The following ROBO2 variants were observed in gnomAD, a reference collection of about 807,000 sequenced individuals.
ROBO2 encodes roundabout homolog 2.
Under a neutral mutation model 160.8 loss-of-function variants are expected in ROBO2, and 53 were observed. The observed-to-expected ratio is 0.33, with a 90% CI of 0.26 to 0.41. The LOEUF (loss-of-function observed/expected upper bound fraction) is 0.41. Ranked by LOEUF, ROBO2 falls within the 10% of genes least tolerant of loss-of-function variation. The probability of loss-of-function intolerance (pLI) is 1.00; values close to 1 mark genes in which losing one functional copy is unlikely to be tolerated. For missense variants in ROBO2, 1,577 were observed against 1,722.4 expected (o/e 0.92, Z 1.49); for synonymous variants, 664 against 611.7 (o/e 1.09, Z -1.26).
intron 2 of ROBO2, among the ~76,000 whole-genome samples, chr3:76,831,814 G>A (rs1301781070): frequency 6.6e-6 from 1 of 152,286 alleles, no homozygotes; most frequent in Middle Eastern, 3.4e-3. Context: ...AAAACACAGA[G>A]ATTCTTATTG....
At chr3:77,356,128 T>C (rs2069085888) in intron 2 of ROBO2, among the ~76,000 whole-genome samples, 1 of 152,218 alleles carries the variant, frequency 6.6e-6, no homozygotes, top group African/African-American at 2.4e-5. Flanking sequence ...TGTTGGTTTA[T>C]TGGCATAATA....
chr3:77,059,622 G>T (rs2066091568), intron 1 of ROBO2, among the ~76,000 whole-genome samples: 3 of 151,986 alleles, frequency 2.0e-5, no homozygotes, highest in Admixed American at 2.0e-4. Context: ...TATTGATGTG[G>T]GAATTTAAAT....
At position 76,324,435 on chromosome 3, in the gene ROBO2, T is replaced by C. The variant is rs563863831; in HGVS notation, c.109+386833T>C. ...ACTGATTTAGGGTGGTTTCTAAAGG[T>C]CACTGTAAATGAATATGTTTGGAAC... On this transcript the variant is annotated intron_variant, in intron 2 of 26. Transcript: ENST00000487694. 7.2e-5 allele frequency among the ~76,000 whole-genome samples: 11 copies of C among 152,330 alleles called. No homozygotes were observed. In the East Asian group the frequency reaches 2.1e-3, roughly 29 times the overall value.
At chr3:77,326,589 A>AT (rs2065422255) in intron 2 of ROBO2, among the ~76,000 whole-genome samples, 1 of 152,196 alleles carries the variant, frequency 6.6e-6, no homozygotes, top group Admixed American at 6.5e-5. Context: ...ACAGATCACA[A>AT]TTTAATTTCT....
intron 2 of ROBO2, among the ~76,000 whole-genome samples, chr3:77,206,191 C>T (rs1441496120): frequency 2.0e-5 from 3 of 151,836 alleles, no homozygotes; most frequent in Non-Finnish European, 2.9e-5. Flanking sequence ...TATTTTGAGA[C>T]AGAATTTTGC....
At chr3:76,493,966 C>A (rs1399350801) in intron 2 of ROBO2, among the ~76,000 whole-genome samples, 2 of 152,110 alleles carry the variant, frequency 1.3e-5, no homozygotes, top group Non-Finnish European at 2.9e-5. Context: ...TAAAGTACGT[C>A]CATAAGATCC....
chr3:77,343,367 T>G (rs1217600800), intron 2 of ROBO2, among the ~76,000 whole-genome samples: 1 of 152,194 alleles, frequency 6.6e-6, no homozygotes, highest in Non-Finnish European at 1.5e-5. Flanking sequence ...TTGCTCATAT[T>G]AAATCTAGTA....
intron 2 of ROBO2, among the ~76,000 whole-genome samples, chr3:76,011,373 T>C (rs1186338619): frequency 6.6e-6 from 1 of 152,210 alleles, no homozygotes; most frequent in East Asian, 1.9e-4. Flanking sequence ...GACATTGTAC[T>C]CAGCACAATT....
At chr3:77,420,857 A>G (rs1172267799) in intron 2 of ROBO2, among the ~76,000 whole-genome samples, 2 of 152,154 alleles carry the variant, frequency 1.3e-5, no homozygotes, top group Non-Finnish European at 2.9e-5. Flanking sequence ...ATTGCACTCT[A>G]TAAAATGAGT....
At chr3:76,451,203 G>T (rs1021964878) in intron 2 of ROBO2, among the ~76,000 whole-genome samples, 1 of 152,148 alleles carries the variant, frequency 6.6e-6, no homozygotes, top group East Asian at 1.9e-4. Context: ...TCTTCCAGTT[G>T]CAAGACAAGA....
intron 2 of ROBO2, among the ~76,000 whole-genome samples, chr3:76,640,582 C>T (rs890274135): frequency 2.7e-5 from 1 of 37,642 alleles, no homozygotes; most frequent in Non-Finnish European, 6.0e-5. Context: ...AATATCAATG[C>T]GTGTTTGCGT....
intron 2 of ROBO2, among the ~76,000 whole-genome samples, chr3:76,010,982 A>G (rs1312878589): frequency 1.3e-5 from 2 of 152,214 alleles, no homozygotes; most frequent in African/African-American, 4.8e-5. Context: ...CCCCAGAGCT[A>G]TAATCCTCAT....
intron 2 of ROBO2, among the ~76,000 whole-genome samples, chr3:77,346,087 T>C (rs1581219030): frequency 6.6e-6 from 1 of 152,156 alleles, no homozygotes; most frequent in South Asian, 2.1e-4. Flanking sequence ...ACCCATGATA[T>C]ATTGCTTGCA....
At chr3:77,360,485 C>G (rs775264727) in intron 2 of ROBO2, among the ~76,000 whole-genome samples, 28 of 152,182 alleles carry the variant, frequency 1.8e-4, no homozygotes, top group Middle Eastern at 6.8e-3. Flanking sequence ...TCATAAAATG[C>G]TATAACTGTC....
chr3:77,357,355 T>G (rs1001896415), intron 2 of ROBO2, among the ~76,000 whole-genome samples: 1 of 152,080 alleles, frequency 6.6e-6, no homozygotes, highest in Non-Finnish European at 1.5e-5. Flanking sequence ...AAAGGATGAG[T>G]TCGGCTGGCC....
intron 2 of ROBO2, among the ~76,000 whole-genome samples, chr3:77,245,369 C>G (rs994188807): frequency 3.3e-5 from 5 of 152,060 alleles, no homozygotes; most frequent in African/African-American, 1.2e-4. Context: ...AATGACATTG[C>G]CCAGTGACAT....
Position 77,294,291 on chromosome 3 carries a change from A to G in ROBO2, c.389-183123A>G, listed in dbSNP as rs533981029. 1.3e-4 allele frequency among the ~76,000 whole-genome samples: 19 copies of G among 144,880 alleles called. 2 individuals carry two copies. The highest frequency in any genetic ancestry group is 5.0e-4 in the African/African-American group (19 of 37,878). On this transcript the variant is annotated intron_variant, in intron 2 of 25. Coordinates refer to ENST00000461745, the Ensembl canonical transcript of ROBO2. ...AAGTTGAGGCTAGAGCACTAAAGAC[A>G]TAAAGTAAAATTGACGGTTAAACGG... is the stretch of plus-strand genomic sequence containing the variant.
chr3:77,229,048 A>G (rs1232316901), intron 2 of ROBO2, among the ~76,000 whole-genome samples: 1 of 152,184 alleles, frequency 6.6e-6, no homozygotes, highest in Non-Finnish European at 1.5e-5. Flanking sequence ...ACCTCTCAGA[A>G]GCTTTTTTCA....
intron 2 of ROBO2, among the ~76,000 whole-genome samples, chr3:76,776,204 T>C (rs2062242214): frequency 6.6e-6 from 1 of 150,970 alleles, no homozygotes. Flanking sequence ...TTTTGAACTC[T>C]ATATAGTTAA....
Sources: allele counts gnomAD v4.1 joint callset (sites outside exome capture counted in the v4.1 genomes callset), GRCh38; gene constraint gnomAD v4.1.1; transcripts MANE v1.5; gene names NCBI Gene and HGNC (gene_info 2026-07-23, HGNC 2026-07-21).